Variants in CDH10 observed in about 807,000 individuals in gnomAD.
CDH10 encodes the protein cadherin-10.
CDH10 carries 30 observed loss-of-function variants against 73.1 expected under a neutral mutation model. That is an observed-to-expected ratio of 0.41 (90% CI 0.31 to 0.56). The LOEUF (loss-of-function observed/expected upper bound fraction) is 0.56, where lower values mean the gene tolerates loss of function less well. Among genes scored for constraint, CDH10 ranks in the 20% least tolerant of loss-of-function variants. The pLI is 0.27. For synonymous variants in CDH10, 345 were observed against 348.2 expected, an observed-to-expected ratio of 0.99 and a Z score of 0.10; for missense variants, 815 against 973.7, an observed-to-expected ratio of 0.84 and a Z score of 2.17.
intron 1 of CDH10, among the ~76,000 whole-genome samples, chr5:24,630,550 T>TA (rs11385411): frequency 0.6 from 79,055 of 132,782 alleles, 27,004 homozygotes; most frequent in Admixed American, 0.74. Flanking sequence ...GAGATCATCT[T>TA]AAAAAAAAAA....
intron 8 of CDH10, among the ~76,000 whole-genome samples, chr5:24,498,990 C>G (rs935913500): frequency 1.3e-5 from 2 of 151,940 alleles, no homozygotes; most frequent in African/African-American, 4.8e-5. Context: ...GCTTCCACAG[C>G]GTGGAAGGGG....
chr5:24,562,812 A>AT (rs141292437), intron 2 of CDH10, among the ~76,000 whole-genome samples: 43,068 of 151,598 alleles, frequency 0.28, 6,259 homozygotes, highest in Admixed American at 0.31. Context: ...GGAAAAAAAT[A>AT]CCTTTTTTTA....
chr5:24,604,854 C>A (rs1019917337), intron 1 of CDH10, among the ~76,000 whole-genome samples: 1 of 121,280 alleles, frequency 8.2e-6, no homozygotes, highest in Non-Finnish European at 1.6e-5. Flanking sequence ...ACCTGGGGAA[C>A]AAGAGCAAGA....
intron 5 of CDH10, among the ~76,000 whole-genome samples, chr5:24,516,125 A>C (rs765251960): frequency 1.3e-5 from 2 of 152,142 alleles, no homozygotes; most frequent in Non-Finnish European, 2.9e-5. Flanking sequence ...ACTGTGCAGA[A>C]TCTCTTTCAA....
intron 1 of CDH10, among the ~76,000 whole-genome samples, chr5:24,606,904 T>G (rs1006884101): frequency 1.3e-5 from 2 of 152,182 alleles, no homozygotes; most frequent in Admixed American, 6.5e-5. Flanking sequence ...GCGTTTCAAA[T>G]AAAAAGATGC....
chr5:24,517,209 T>C (rs1199515167), intron 5 of CDH10, among the ~76,000 whole-genome samples: 3 of 152,134 alleles, frequency 2.0e-5, no homozygotes, highest in Non-Finnish European at 4.4e-5. Flanking sequence ...TGCATGCTTT[T>C]TGTAAATTTA....
At chr5:24,574,479 G>C (rs140004704) in intron 2 of CDH10, among the ~76,000 whole-genome samples, 132 of 152,152 alleles carry the variant, frequency 8.7e-4, no homozygotes, top group African/African-American at 3.1e-3. Context: ...TGACATTCTT[G>C]CAAGTAAAAT....
chr5:24,542,409 T>C (rs13187651), intron 2 of CDH10, among the ~76,000 whole-genome samples: 1 of 152,108 alleles, frequency 6.6e-6, no homozygotes, highest in Non-Finnish European at 1.5e-5. Context: ...ATTTTTATTG[T>C]ATATTTTCTA....
chr5:24,594,093 G>C (rs1436415910), intron 1 of CDH10, among the ~76,000 whole-genome samples: 2 of 145,386 alleles, frequency 1.4e-5, no homozygotes, highest in African/African-American at 4.9e-5. Flanking sequence ...AGAGGTAAAA[G>C]TAAAGGCACA....
At chr5:24,572,711 T>G (rs1045088668) in intron 2 of CDH10, among the ~76,000 whole-genome samples, 5 of 151,360 alleles carry the variant, frequency 3.3e-5, no homozygotes, top group African/African-American at 1.2e-4. Flanking sequence ...AGGAGAAAAT[T>G]TACAGTATAA....
intron 2 of CDH10, 78 bp from the exon 3 acceptor site, chr5:24,537,752 T>C (rs769695425): frequency 6.0e-4 from 515 of 857,544 alleles, no homozygotes; most frequent in Non-Finnish European, 4.7e-4. Flanking sequence ...AGAAGGTCTT[T>C]CATGTCTCAT....
chr5:24,566,812 C>T (rs527735216), intron 2 of CDH10, among the ~76,000 whole-genome samples: 1 of 151,938 alleles, frequency 6.6e-6, no homozygotes, highest in African/African-American at 2.4e-5. Flanking sequence ...TTAGACAGGA[C>T]CCAAAAAGCG....
At position 24,627,994 on chromosome 5, in the gene CDH10, C is replaced by T. The variant is rs528620795; in HGVS notation, c.-124+16600G>A. On this transcript the variant is annotated intron_variant, in intron 1 of 11. Transcript: ENST00000264463. ...AAAACTTTGACTACTCTTATGGCAT[C>T]GTGGTAATAACACAGGAATGGGAAT... Among the ~76,000 whole-genome samples the T allele has an allele frequency of 2.0e-5, 3 of 152,100 alleles. No individual in the cohort carries two copies. In the East Asian group the frequency reaches 5.8e-4, roughly 29 times the overall value.
At chr5:24,509,505 C>T (rs1175398802) in intron 7 of CDH10, 61 bp downstream of exon 7, 8 of 1,519,648 alleles carry the variant, frequency 5.3e-6, no homozygotes, top group South Asian at 2.4e-5. Context: ...TCCCAAAGTG[C>T]TGGGATTACA....
rs116760484 is a variant in CDH10 at position 24,616,109 on chromosome 5, G to A, written c.-123-22496C>T. 6.9e-3 allele frequency among the ~76,000 whole-genome samples: 1,036 copies of A among 150,620 alleles called. 11 individuals carry two copies. The highest frequency in any genetic ancestry group is 0.024 in the African/African-American group (994 of 40,702). Reference sequence around the variant, plus strand: ...TATTTCATTGCATTACATAAATTTAGTTCTTTCAGAAAGTTAAAAAAAAAA... The same window carrying A: ...TATTTCATTGCATTACATAAATTTAATTCTTTCAGAAAGTTAAAAAAAAAA... On this transcript the variant is annotated intron_variant, in intron 1 of 11. Coordinates refer to ENST00000264463, the MANE Select transcript of CDH10 (RefSeq NM_006727.5).
chr5:24,546,378 G>A (rs1477737080), intron 2 of CDH10, among the ~76,000 whole-genome samples: 1 of 151,948 alleles, frequency 6.6e-6, no homozygotes, highest in Non-Finnish European at 1.5e-5. Context: ...CAAGGAAAAG[G>A]GATTGCTCGA....
At chr5:24,604,850 G>A (rs1448920145) in intron 1 of CDH10, among the ~76,000 whole-genome samples, 2 of 134,770 alleles carry the variant, frequency 1.5e-5, no homozygotes, top group South Asian at 2.2e-4. Context: ...TCAAACCTGG[G>A]GAACAAGAGC....
rs1744971582 is a variant in CDH10, at chr5:24,561,936, AAAAC to A, written c.232-24266_232-24263del. Among the ~76,000 whole-genome samples, 2 of 152,144 alleles carry A rather than the reference AAAAC, an allele frequency of 1.3e-5. 1 individual carries two copies. The highest frequency in any genetic ancestry group is 4.1e-4 in the South Asian group (2 of 4,826). ...CACAGAAACTTAAAAAATAAAAACAAAAACAAACAAAAAACATATGTGATCAAGA... is the reference window on the plus strand; with the variant it reads ...CACAGAAACTTAAAAAATAAAAACAAAAACAAAAAACATATGTGATCAAGA... On this transcript the variant is annotated intron_variant, in intron 2 of 11. Transcript: ENST00000264463.
chr5:24,622,101 G>C (rs940762013), intron 1 of CDH10, among the ~76,000 whole-genome samples: 2 of 152,170 alleles, frequency 1.3e-5, no homozygotes, highest in African/African-American at 4.8e-5. Flanking sequence ...ATTTACTTGG[G>C]TTGAGAGAGA....
Sources: allele counts gnomAD v4.1 joint callset (sites outside exome capture counted in the v4.1 genomes callset), GRCh38; gene constraint gnomAD v4.1.1; transcripts MANE v1.5; gene names NCBI Gene and HGNC (gene_info 2026-07-23, HGNC 2026-07-21).